The following ULK4 variants were observed in gnomAD, a reference collection of about 807,000 sequenced individuals.
ULK4 encodes inactive serine/threonine-protein kinase ULK4.
ULK4 carries 133 observed loss-of-function variants against 160.6 expected under a neutral mutation model. The ratio of observed to expected loss-of-function variants is 0.83; its 90% CI spans 0.72 to 0.96. The LOEUF (loss-of-function observed/expected upper bound fraction) is 0.96, where lower values mean the gene tolerates loss of function less well. Among genes scored for constraint, ULK4 ranks in the 40% least tolerant of loss-of-function variants. ULK4 has a pLI of 0.00. For synonymous variants in ULK4, 534 were observed against 539.8 expected (o/e 0.99, Z 0.15); for missense variants, 1,580 against 1,499.5 (o/e 1.05, Z -0.89).
chr3:41,833,126 A>G (rs1462476891), intron 18 of ULK4, among the ~76,000 whole-genome samples: 2 of 152,106 alleles, frequency 1.3e-5, no homozygotes, highest in Non-Finnish European at 2.9e-5. Context: ...TTTGGGCAGT[A>G]TGGCCATTTT....
At chr3:41,716,216 A>AAATAAT (rs61340837) in intron 23 of ULK4, among the ~76,000 whole-genome samples, 20,593 of 138,960 alleles carry the variant, frequency 0.15, 1,744 homozygotes, top group African/African-American at 0.21. Flanking sequence ...CTGTCTCACA[A>AAATAAT]AATAATAATA....
intron 25 of ULK4, among the ~76,000 whole-genome samples, chr3:41,708,650 G>A (rs2125833162): frequency 6.6e-6 from 1 of 152,318 alleles, no homozygotes; most frequent in Non-Finnish European, 1.5e-5. Flanking sequence ...GCTGAGGAAT[G>A]AGAATTGCTG....
At chr3:41,291,018 T>C (rs1308171299) in intron 35 of ULK4, among the ~76,000 whole-genome samples, 1 of 152,214 alleles carries the variant, frequency 6.6e-6, no homozygotes, top group African/African-American at 2.4e-5. Context: ...GGCCTCCTCC[T>C]GAGAATTCAG....
intron 31 of ULK4, among the ~76,000 whole-genome samples, chr3:41,590,010 GT>G (rs796684405): frequency 2.7e-5 from 4 of 147,232 alleles, no homozygotes; most frequent in South Asian, 2.2e-4. Context: ...GGTTTTTTTT[GT>G]TTTTTTTTTA....
chr3:41,568,764 A>T (rs1299254804), intron 31 of ULK4, among the ~76,000 whole-genome samples: 1 of 152,172 alleles, frequency 6.6e-6, no homozygotes, highest in Admixed American at 6.5e-5. Flanking sequence ...TGCAGCTGAC[A>T]CAAGCTGAGC....
chr3:41,806,658 A>G (rs1043269593), intron 19 of ULK4, among the ~76,000 whole-genome samples: 1 of 151,982 alleles, frequency 6.6e-6, no homozygotes, highest in Admixed American at 6.6e-5. Context: ...TGCTTTGAAC[A>G]TGTCCCAGAG....
chr3:41,252,174 C>T (rs1408341762), intron 35 of ULK4, among the ~76,000 whole-genome samples: 1 of 152,200 alleles, frequency 6.6e-6, no homozygotes, highest in Non-Finnish European at 1.5e-5. Context: ...TCAATATTCT[C>T]TGTAGTATTT....
chr3:41,821,212 A>C (rs762875781), intron 18 of ULK4, among the ~76,000 whole-genome samples: 2 of 152,188 alleles, frequency 1.3e-5, no homozygotes, highest in African/African-American at 2.4e-5. Flanking sequence ...AACCTCTGAG[A>C]AAGCCAGCTG....
intron 32 of ULK4, among the ~76,000 whole-genome samples, chr3:41,537,266 C>A (rs965014587): frequency 3.6e-5 from 4 of 109,824 alleles, no homozygotes; most frequent in African/African-American, 1.3e-4. Flanking sequence ...TGAAGTTATG[C>A]ACTCTGGACA....
intron 30 of ULK4, among the ~76,000 whole-genome samples, chr3:41,644,443 G>A (rs559946607): frequency 2.6e-5 from 4 of 152,298 alleles, no homozygotes; most frequent in South Asian, 2.1e-4. Context: ...TGCATCTATT[G>A]AGATAATCAT....
In ULK4 at chr3:41,903,031, G is replaced by A. The variant is rs148903211; in HGVS notation, c.1183-2202C>T. 7.2e-5 allele frequency among the ~76,000 whole-genome samples: 11 copies of A among 152,278 alleles called. No individual in the cohort carries two copies. The East Asian group carries it at 2.1e-3, about 29-fold the overall frequency. On this transcript the variant is annotated intron_variant, in intron 12 of 36. Transcript: ENST00000301831. The stretch of plus-strand genomic sequence containing the variant: ...GAGAACTGAGGGGACCAGTTAGCAG[G>A]TTACTGCAAAGCCTGGATGGAAAGG...
At chr3:41,565,250 A>C (rs1292049042) in intron 32 of ULK4, among the ~76,000 whole-genome samples, 2 of 152,228 alleles carry the variant, frequency 1.3e-5, no homozygotes, top group Admixed American at 1.3e-4. Context: ...GATTTTTAGA[A>C]TTTTAACAGT....
intron 32 of ULK4, among the ~76,000 whole-genome samples, chr3:41,484,700 C>T (rs1559638520): frequency 6.6e-6 from 1 of 152,114 alleles, no homozygotes; most frequent in Non-Finnish European, 1.5e-5. Flanking sequence ...GATCCGCCCA[C>T]CTTGGCCTCC....
At position 41,754,307 on chromosome 3, in the gene ULK4, A is replaced by G. The variant is rs2038722194; in HGVS notation, c.2321+54T>C. ...GCCAAGAAATACCCTACAACTACTAATACAACAGGCACTAAATTGAAGTTA... is the reference window on the plus strand; with the variant it reads ...GCCAAGAAATACCCTACAACTACTAGTACAACAGGCACTAAATTGAAGTTA... On this transcript the variant is annotated intron_variant, in intron 22 of 36. Coordinates refer to ENST00000301831, the MANE Select transcript of ULK4 (RefSeq NM_017886.4). 6 of 1,575,106 alleles carry G rather than the reference A, an allele frequency of 3.8e-6. No homozygotes were observed. In the South Asian group the frequency reaches 6.0e-5, roughly 16 times the overall value.
chr3:41,476,421 T>A (rs2084145609), intron 32 of ULK4, among the ~76,000 whole-genome samples: 1 of 152,130 alleles, frequency 6.6e-6, no homozygotes, highest in Admixed American at 6.6e-5. Context: ...ATATTCCACC[T>A]CCAAAGAGAT....
intron 31 of ULK4, among the ~76,000 whole-genome samples, chr3:41,592,305 C>T (rs906464946): frequency 3.9e-5 from 6 of 152,128 alleles, no homozygotes; most frequent in Admixed American, 2.6e-4. Context: ...GAGGAAGCAG[C>T]GGGAAAAGCC....
At chr3:41,471,349 A>C (rs950288384) in intron 32 of ULK4, among the ~76,000 whole-genome samples, 2 of 152,202 alleles carry the variant, frequency 1.3e-5, no homozygotes, top group African/African-American at 4.8e-5. Context: ...AAAATTATAT[A>C]AAGCAAATAC....
intron 32 of ULK4, among the ~76,000 whole-genome samples, chr3:41,482,446 C>G (rs180961656): frequency 6.6e-6 from 1 of 152,138 alleles, no homozygotes; most frequent in East Asian, 1.9e-4. Context: ...AGAGGAGAAA[C>G]TTGGGGCAAG....
intron 34 of ULK4, among the ~76,000 whole-genome samples, chr3:41,404,734 T>C (rs2082259316): frequency 6.6e-6 from 1 of 152,184 alleles, no homozygotes; most frequent in Non-Finnish European, 1.5e-5. Context: ...CTGCTGCATA[T>C]GTGCATGTGC....
Sources: allele counts gnomAD v4.1 joint callset (sites outside exome capture counted in the v4.1 genomes callset), GRCh38; gene constraint gnomAD v4.1.1; transcripts MANE v1.5; gene names NCBI Gene and HGNC (gene_info 2026-07-23, HGNC 2026-07-21).